Variants in FYTTD1 observed in about 807,000 individuals in gnomAD.
FYTTD1 encodes forty-two-three domain containing 1.
In FYTTD1, 22 loss-of-function variants were observed where a neutral mutation model predicts 40.9. That is an observed-to-expected ratio of 0.54 (90% confidence interval 0.38 to 0.77). FYTTD1 has a LOEUF of 0.77. FYTTD1 is among the 30% of genes least tolerant of loss of function. The probability of loss-of-function intolerance (pLI) is 0.00; values close to 1 mark genes in which losing one functional copy is unlikely to be tolerated. For missense variants in FYTTD1, 351 were observed against 392.2 expected (o/e 0.90, Z 0.89); for synonymous variants, 140 against 137.9 (o/e 1.01, Z -0.10).
At chr3:197,753,097 C>T (rs1396407607) in intron 1 of FYTTD1, among the ~76,000 whole-genome samples, 3 of 152,144 alleles carry the variant, frequency 2.0e-5, no homozygotes, top group Non-Finnish European at 4.4e-5. Context: ...AGCAGTCCCT[C>T]TATTGCCTTT....
intron 7 of FYTTD1, among the ~76,000 whole-genome samples, chr3:197,777,861 TG>T (rs763632810): frequency 5.3e-5 from 8 of 152,242 alleles, no homozygotes; most frequent in Non-Finnish European, 1.0e-4. Context: ...AACATAGGCA[TG>T]CACCACCACA....
In FYTTD1 at chr3:197,756,447, G is replaced by T. The variant is rs752854953; in HGVS notation, c.125G>T (p.Arg42Leu). 1 of 1,604,876 alleles carries T rather than the reference G, an allele frequency of 6.2e-7. No individual in the cohort carries two copies. Among genetic ancestry groups the T allele is most frequent in the South Asian group, 1.1e-5 (1 of 90,866 alleles). Residue 42 changes from arginine to leucine, a missense_variant, in exon 2 of 9, where the codon CGA (arginine) becomes CTA (leucine). Arg to Leu is a moderately radical substitution (Grantham distance 102). Coordinates refer to ENST00000241502, the MANE Select transcript of FYTTD1 (RefSeq NM_032288.7). ...ATAGATGATATCATCAAGTTGAATCGAAAGGAAGGGAAGAAGCAGAATTTT... is the reference window on the plus strand; with the variant it reads ...ATAGATGATATCATCAAGTTGAATCTAAAGGAAGGGAAGAAGCAGAATTTT... ...MSLDDIIKLN[R>L]KEGKKQNFPR...
intron 8 of FYTTD1, among the ~76,000 whole-genome samples, chr3:197,781,449 T>C (rs1260983849): frequency 6.6e-6 from 1 of 152,212 alleles, no homozygotes; most frequent in East Asian, 1.9e-4. Flanking sequence ...TGAATTTGAT[T>C]TGAATTTCTG....
chr3:197,750,309 G>A, intron 1 of FYTTD1: 1 of 1,111,528 alleles, frequency 9.0e-7, no homozygotes, highest in Middle Eastern at 3.5e-4. Flanking sequence ...CGGAGGAGGG[G>A]CTGTGGAGGC....
Position 197,783,552 on chromosome 3 carries a change from C to G in FYTTD1, c.*1643C>G, listed in dbSNP as rs562437459. On this transcript the variant is annotated 3_prime_UTR_variant, in exon 9 of 9. Coordinates refer to ENST00000241502, the MANE Select transcript of FYTTD1 (RefSeq NM_032288.7). Reference sequence around the variant, plus strand: ...TGATAAGGGATTATTGGAAGTCAGTCACAGAATTTGGAAATAAATTCTAGT... The same window carrying G: ...TGATAAGGGATTATTGGAAGTCAGTGACAGAATTTGGAAATAAATTCTAGT... 6.5e-6 allele frequency: 1 copy of G among 152,722 alleles called. No homozygotes were observed. Among genetic ancestry groups the G allele is most frequent in the African/African-American group, 2.4e-5 (1 of 41,554 alleles). The allele number at this position is 152,722 out of a possible 1,614,324, so 9.5% of individuals were successfully genotyped here.
chr3:197,770,937 C>G (rs1461185071), intron 4 of FYTTD1, among the ~76,000 whole-genome samples: 3 of 152,212 alleles, frequency 2.0e-5, no homozygotes, highest in African/African-American at 7.2e-5. Context: ...ATGGCTCTTA[C>G]TAGAACACTG....
chr3:197,752,454 C>T (rs958504760), intron 1 of FYTTD1, among the ~76,000 whole-genome samples: 2 of 152,188 alleles, frequency 1.3e-5, no homozygotes, highest in African/African-American at 2.4e-5. Context: ...TTTCCACATA[C>T]ACTATATATA....
At chr3:197,774,235 A>T (rs749182919) in intron 6 of FYTTD1, 25 bp downstream of exon 6, 1 of 1,591,526 alleles carries the variant, frequency 6.3e-7, no homozygotes. Flanking sequence ...GTTTTTTAAG[A>T]TGTTATTTCA....
chr3:197,777,132 A>G (rs1729899525), intron 7 of FYTTD1, 131 bp downstream of exon 7: 1 of 618,376 alleles, frequency 1.6e-6, no homozygotes, highest in African/African-American at 1.9e-5. Flanking sequence ...TACCTGTGAT[A>G]CAATATGGAA....
intron 1 of FYTTD1, chr3:197,750,348 T>G: frequency 8.8e-7 from 1 of 1,134,516 alleles, no homozygotes; most frequent in Non-Finnish European, 1.1e-6. Flanking sequence ...GGCCCGAAGG[T>G]TCGCAGGGTC....
At chr3:197,751,614 A>G (rs1729052351) in intron 1 of FYTTD1, among the ~76,000 whole-genome samples, 2 of 152,256 alleles carry the variant, frequency 1.3e-5, no homozygotes, top group African/African-American at 4.8e-5. Flanking sequence ...CCTGGGCGGC[A>G]GAGCGAGACC....
rs1248789879 is a variant in FYTTD1, at chr3:197,787,257, C to G, written c.*5348C>G. ...TTCCAAGTATCTGGGATTACAGGCA[C>G]GTGCCACTACACCCAGCTAATTTTT... On this transcript the variant is annotated 3_prime_UTR_variant, in exon 9 of 9. Coordinates refer to ENST00000241502, the MANE Select transcript of FYTTD1 (RefSeq NM_032288.7). The G allele has an allele frequency of 6.6e-6, 1 of 151,968 alleles. No homozygotes were observed. Among genetic ancestry groups the G allele is most frequent in the Non-Finnish European group, 1.5e-5 (1 of 68,120 alleles). The allele number at this position is 151,968 out of a possible 1,614,324, so 9.4% of individuals were successfully genotyped here. A position where few individuals can be genotyped will look rare whatever the true frequency, so the allele number is the denominator to read the frequency against.
At chr3:197,764,664 G>T (rs1260427562) in intron 2 of FYTTD1, among the ~76,000 whole-genome samples, 1 of 146,270 alleles carries the variant, frequency 6.8e-6, no homozygotes, top group Non-Finnish European at 1.5e-5. Flanking sequence ...AGCCGAGATC[G>T]CGCCGCTACA....
rs1382930923 is a variant in FYTTD1, at chr3:197,785,826, A to T, written c.*3917A>T. 6.6e-6 allele frequency: 1 copy of T among 152,038 alleles called. No individual in the cohort carries two copies. Among genetic ancestry groups the T allele is most frequent in the Non-Finnish European group, 1.5e-5 (1 of 68,002 alleles). The allele number at this position is 152,038 out of a possible 1,614,324, so 9.4% of individuals were successfully genotyped here. A position where few individuals can be genotyped will look rare whatever the true frequency, so the allele number is the denominator to read the frequency against. On this transcript the variant is annotated 3_prime_UTR_variant, in exon 9 of 9. Coordinates refer to ENST00000241502, the MANE Select transcript of FYTTD1 (RefSeq NM_032288.7). ...CTGATCAGTAGTGCTTTCAGTTTTC[A>T]TCAGAATTATTATTATTATTATTAT...
At chr3:197,780,479 T>C (rs540245085) in intron 8 of FYTTD1, among the ~76,000 whole-genome samples, 6 of 152,342 alleles carry the variant, frequency 3.9e-5, no homozygotes, top group African/African-American at 1.4e-4. Flanking sequence ...CTTGTATGCA[T>C]GCCTTGTTCC....
At chr3:197,773,601 G>A in intron 5 of FYTTD1, 102 bp downstream of exon 5, 1 of 668,144 alleles carries the variant, frequency 1.5e-6, no homozygotes, top group Non-Finnish European at 2.6e-6. Context: ...AGGCAGCATT[G>A]GGTTCAGGAT....
rs1340696131 is a variant in FYTTD1 at position 197,757,373 on chromosome 3, GACAA to G, written c.235+819_235+822del. 4.0e-4 allele frequency among the ~76,000 whole-genome samples: 61 copies of G among 152,232 alleles called. 2 individuals are homozygous for G. The South Asian group carries it at 5.8e-3, about 14-fold the overall frequency. ...TTTTCAGATATGTAAAAATATGTTT[GACAA>G]ACTAACTTCCAAATTGATTTTTATT... On this transcript the variant is annotated intron_variant, in intron 2 of 8. Coordinates refer to ENST00000241502, the MANE Select transcript of FYTTD1 (RefSeq NM_032288.7).
At chr3:197,763,606 G>T (rs528312633) in intron 2 of FYTTD1, 266 of 401,066 alleles carry the variant, frequency 6.6e-4, no homozygotes, top group Non-Finnish European at 1.1e-3. Flanking sequence ...GGGAGACCCC[G>T]TCTCTACAAA....
chr3:197,768,841 G>A (rs1486009714), intron 3 of FYTTD1, among the ~76,000 whole-genome samples: 2 of 152,168 alleles, frequency 1.3e-5, no homozygotes, highest in East Asian at 1.9e-4. Flanking sequence ...TACCCAGGCT[G>A]GAGTGCAGTG....
Sources: allele counts gnomAD v4.1 joint callset (sites outside exome capture counted in the v4.1 genomes callset), GRCh38; gene constraint gnomAD v4.1.1; transcripts MANE v1.5; gene names NCBI Gene and HGNC (gene_info 2026-07-23, HGNC 2026-07-21).